EYS: variants seen among roughly 807,000 people sequenced by gnomAD.
EYS encodes protein eyes shut homolog.
A neutral mutation model predicts 282.1 loss-of-function variants in EYS; 250 were observed. That is an observed-to-expected ratio of 0.89 (90% CI 0.80 to 0.98). EYS has a LOEUF of 0.98. Ranked by LOEUF, EYS falls within the 50% of genes least tolerant of loss-of-function variation. EYS has a pLI of 0.00. For missense variants in EYS, 4,016 were observed against 3,709.0 expected (o/e 1.08, Z -2.15); for synonymous variants, 1,355 against 1,282.9 (o/e 1.06, Z -1.20).
intron 14 of EYS, among the ~76,000 whole-genome samples, chr6:64,968,728 C>T (rs1428864214): frequency 1.3e-5 from 2 of 152,064 alleles, no homozygotes; most frequent in African/African-American, 4.8e-5. Context: ...TTTGTGGTTG[C>T]CATGGTGTGC....
chr6:64,193,205 A>C (rs188290127), intron 31 of EYS, among the ~76,000 whole-genome samples: 22 of 152,342 alleles, frequency 1.4e-4, no homozygotes, highest in Middle Eastern at 3.4e-3. Context: ...GCTATAGATA[A>C]ATTGGGGCAG....
At chr6:64,183,469 C>T (rs745635154) in intron 31 of EYS, among the ~76,000 whole-genome samples, 8 of 152,004 alleles carry the variant, frequency 5.3e-5, no homozygotes, top group Non-Finnish European at 1.2e-4. Flanking sequence ...GCATGTCAGG[C>T]AGTCAAAAAG....
intron 26 of EYS, among the ~76,000 whole-genome samples, chr6:64,464,089 C>A (rs553620621): frequency 1.3e-5 from 2 of 152,240 alleles, no homozygotes; most frequent in East Asian, 3.9e-4. Context: ...ACATTAAAAT[C>A]ATTGTTTTCC....
At chr6:65,377,990 G>A (rs570266590) in intron 8 of EYS, among the ~76,000 whole-genome samples, 2 of 151,944 alleles carry the variant, frequency 1.3e-5, no homozygotes, top group Non-Finnish European at 2.9e-5. Context: ...TAGGAGCTGG[G>A]ACCATTCCTT....
intron 2 of EYS, among the ~76,000 whole-genome samples, chr6:65,576,605 A>G (rs1042563648): frequency 1.3e-5 from 2 of 151,926 alleles, no homozygotes; most frequent in African/African-American, 4.8e-5. Context: ...AAAGAAATAA[A>G]ATGCATCCTC....
intron 26 of EYS, among the ~76,000 whole-genome samples, chr6:64,512,185 A>G (rs985321975): frequency 3.3e-5 from 5 of 152,088 alleles, no homozygotes; most frequent in African/African-American, 9.7e-5. Flanking sequence ...CATTTAATAA[A>G]TTACCCAGAG....
chr6:64,440,240 G>A (rs1458008024), intron 26 of EYS, among the ~76,000 whole-genome samples: 1 of 151,796 alleles, frequency 6.6e-6, no homozygotes, highest in African/African-American at 2.4e-5. Context: ...ATTCATTTTC[G>A]AATCTGTACT....
intron 36 of EYS, among the ~76,000 whole-genome samples, chr6:63,819,718 G>A (rs1771271610): frequency 6.6e-6 from 1 of 152,176 alleles, no homozygotes; most frequent in Non-Finnish European, 1.5e-5. Context: ...CTGTTGTTTA[G>A]AAGTAATATT....
At chr6:64,042,998 TC>T (rs1438102943) in intron 33 of EYS, among the ~76,000 whole-genome samples, 1 of 152,170 alleles carries the variant, frequency 6.6e-6, no homozygotes, top group Non-Finnish European at 1.5e-5. Context: ...TTATTTACTA[TC>T]TCTGTGCTCA....
intron 41 of EYS, among the ~76,000 whole-genome samples, chr6:63,727,181 T>C (rs934264844): frequency 3.3e-5 from 5 of 152,020 alleles, no homozygotes; most frequent in African/African-American, 9.7e-5. Context: ...TGTGTATAAC[T>C]GACCCAATGG....
chr6:64,568,006 G>A (rs981495642), intron 26 of EYS, among the ~76,000 whole-genome samples: 3 of 152,152 alleles, frequency 2.0e-5, no homozygotes, highest in Admixed American at 6.5e-5. Context: ...AATGGAACAT[G>A]GCATTCTCCA....
At chr6:64,417,323 T>C (rs2150448080) in intron 28 of EYS, among the ~76,000 whole-genome samples, 1 of 152,314 alleles carries the variant, frequency 6.6e-6, no homozygotes, top group Non-Finnish European at 1.5e-5. Context: ...TTTAAGGTTC[T>C]GAGTTCTTTG....
intron 22 of EYS, among the ~76,000 whole-genome samples, chr6:64,686,456 A>G (rs1338939080): frequency 6.6e-6 from 1 of 151,706 alleles, no homozygotes; most frequent in African/African-American, 2.4e-5. Flanking sequence ...AAATGATTAT[A>G]ATAGGGTGAG....
At chr6:64,466,774 G>T (rs1775934531) in intron 26 of EYS, among the ~76,000 whole-genome samples, 1 of 152,044 alleles carries the variant, frequency 6.6e-6, no homozygotes, top group South Asian at 2.1e-4. Context: ...GATATGTATT[G>T]TGAGATGATG....
chr6:64,588,857 G>A (rs1766311748), intron 26 of EYS, among the ~76,000 whole-genome samples: 1 of 151,970 alleles, frequency 6.6e-6, no homozygotes, highest in African/African-American at 2.4e-5. Flanking sequence ...AAGAAAAACT[G>A]GAAGGAGATT....
At chr6:65,705,348 T>A (rs1769837513) in intron 1 of EYS, among the ~76,000 whole-genome samples, 1 of 152,194 alleles carries the variant, frequency 6.6e-6, no homozygotes, top group East Asian at 1.9e-4. Context: ...TCAGGGCTTG[T>A]TGGCCACCCT....
intron 20 of EYS, among the ~76,000 whole-genome samples, chr6:64,821,999 C>T (rs1376174016): frequency 6.6e-6 from 1 of 152,036 alleles, no homozygotes; most frequent in Non-Finnish European, 1.5e-5. Flanking sequence ...ATGTGAGAAA[C>T]TGAAGTTAGC....
At chr6:64,914,943 C>A (rs1225976194) in intron 15 of EYS, among the ~76,000 whole-genome samples, 1 of 151,824 alleles carries the variant, frequency 6.6e-6, no homozygotes, top group Non-Finnish European at 1.5e-5. Context: ...AAATATATAC[C>A]TAAGGGTATG....
intron 33 of EYS, among the ~76,000 whole-genome samples, chr6:64,012,933 C>T (rs765238780): frequency 1.3e-5 from 2 of 152,120 alleles, no homozygotes; most frequent in Admixed American, 6.5e-5. Context: ...GTATAAAAAG[C>T]GCTCCATGAC....
Sources: gnomAD v4.1 joint callset for allele counts (sites outside exome capture counted in the v4.1 genomes callset) on GRCh38, gnomAD v4.1.1 for gene constraint, MANE v1.5 for transcripts, NCBI Gene and HGNC (gene_info 2026-07-23, HGNC 2026-07-21) for gene names.